The following OGFR variants were observed in gnomAD, a reference collection of about 807,000 sequenced individuals.
The protein encoded by OGFR is opioid growth factor receptor.
A neutral mutation model predicts 33.6 loss-of-function variants in OGFR; 18 were observed. The ratio of observed to expected loss-of-function variants is 0.54; its 90% confidence interval spans 0.37 to 0.80. The LOEUF is 0.80. Among genes scored for constraint, OGFR ranks in the 30% least tolerant of loss-of-function variants. The pLI is 0.00. For synonymous variants in OGFR, 370 were observed against 400.7 expected, an observed-to-expected ratio of 0.92 and a Z score of 0.91; for missense variants, 877 against 955.8, an observed-to-expected ratio of 0.92 and a Z score of 1.09.
In OGFR at chr20:62,807,468, C is replaced by G. The variant is rs368472864; in HGVS notation, c.172-69C>G. ...GTGGCAGCTGGCCCAGGCCCTGCAG[C>G]CCTCACCACGTTGGGACTCACTTGG... On this transcript the variant is annotated intron_variant, in intron 1 of 6. Transcript: ENST00000290291. 1.4e-3 allele frequency: 2,046 copies of G among 1,418,598 alleles called. 37 individuals carry two copies. The South Asian group carries it at 0.023, about 16-fold the overall frequency. 87.9% of individuals were successfully genotyped at this position (1,418,598 alleles called of 1,614,324 possible).
intron 6 of OGFR, 37 bp downstream of exon 6, chr20:62,811,647 C>A: frequency 6.6e-7 from 1 of 1,521,764 alleles, no homozygotes; most frequent in South Asian, 1.3e-5. Flanking sequence ...CCCACCCCGG[C>A]GCAGAACAGG....
At position 62,808,229 on chromosome 20, in the gene OGFR, C is replaced by G; in HGVS notation, c.241-18C>G. 3.1e-6 allele frequency: 5 copies of G among 1,604,324 alleles called. No individual in the cohort carries two copies. Among genetic ancestry groups the G allele is most frequent in the Non-Finnish European group, 4.3e-6 (5 of 1,171,656 alleles). On this transcript the variant is annotated intron_variant, in intron 2 of 6. Transcript: ENST00000290291. ...GTGTCTGATGGATCCCTGCTGTCCC[C>G]TTTCTCTGGCTCTTCAGGATCTGGT...
chr20:62,812,672 C>CA lies in OGFR; in HGVS notation c.1058dup (p.Asp354GlyfsTer12). 2.6e-6 allele frequency: 4 copies of CA among 1,567,540 alleles called. No homozygotes were observed. Among genetic ancestry groups the CA allele is most frequent in the African/African-American group, 1.4e-5 (1 of 73,832 alleles). ...GCCCCAGCCACGGAGCGTGGAGCCC[C>CA]AGGATGCGGGACCCCTGGAGAGGAG... On this transcript the variant is annotated frameshift_variant, in exon 7 of 7. Coordinates refer to ENST00000290291, the MANE Select transcript of OGFR (RefSeq NM_007346.4). LOFTEE classifies it low-confidence loss of function (END_TRUNC).
intron 4 of OGFR, 126 bp downstream of exon 4, chr20:62,809,789 T>A: frequency 1.3e-6 from 1 of 766,708 alleles, no homozygotes; most frequent in Non-Finnish European, 2.3e-6. Context: ...TCCTGGAAGC[T>A]GGTGTCCACA....
intron 6 of OGFR, 92 bp from the exon 7 acceptor site, chr20:62,812,138 G>C (rs1000334423): frequency 1.2e-5 from 14 of 1,161,524 alleles, no homozygotes; most frequent in Non-Finnish European, 1.7e-5. Flanking sequence ...GGGAGACCTC[G>C]TGGAGCCGGG....
At chr20:62,808,091 G>C in intron 2 of OGFR, 156 bp from the exon 3 acceptor site, 1 of 721,708 alleles carries the variant, frequency 1.4e-6, no homozygotes, top group Non-Finnish European at 2.6e-6. Context: ...GCTGTCCTCT[G>C]AATGGCCCCC....
At chr20:62,811,907 C>T (rs369122310) in intron 6 of OGFR, among the ~76,000 whole-genome samples, 3 of 152,184 alleles carry the variant, frequency 2.0e-5, no homozygotes, top group South Asian at 2.1e-4. Context: ...ACAGGGTGTT[C>T]GAGGCGCCTG....
rs143683823 is a variant in OGFR at position 62,813,109 on chromosome 20, C to T, written c.1494C>T (p.Asn498=). The change falls in exon 7 of 7, where the codon AAC becomes AAT. Residue 498 remains asparagine, a synonymous_variant. Transcript: ENST00000290291. The stretch of plus-strand genomic sequence containing the variant: ...ACCCCAAGGCTGGACACAGTGAGAA[C>T]GGGGTTGAGGAGGACACAGAAGGTC... ...SGHPKAGHSE[N]GVEEDTEGRT... is the part of the protein sequence containing the mutation. 2.7e-4 allele frequency: 434 copies of T among 1,579,214 alleles called. 1 individual carries two copies. In the African/African-American group the frequency reaches 5.1e-3, roughly 19 times the overall value.
intron 1 of OGFR, chr20:62,806,975 C>T (rs981378784): frequency 1.3e-5 from 2 of 159,146 alleles, no homozygotes; most frequent in Admixed American, 1.2e-4. Flanking sequence ...CTCACCGTGG[C>T]CAGTGAGGCG....
Position 62,813,650 on chromosome 20 carries a change from G to T in OGFR, c.*1G>T. 5.6e-6 allele frequency: 9 copies of T among 1,611,512 alleles called. No homozygotes were observed. The highest frequency in any genetic ancestry group is 7.6e-6 in the Non-Finnish European group (9 of 1,178,986). On this transcript the variant is annotated 3_prime_UTR_variant, in exon 7 of 7. Transcript: ENST00000290291. ...TTCTGCCAAGTCTGGGAAGCCTTAA[G>T]GAAAGGAGTGCCCGTCGGCGTCTTG...
intron 3 of OGFR, 100 bp downstream of exon 3, chr20:62,808,425 G>GC: frequency 1.2e-6 from 1 of 864,332 alleles, no homozygotes; most frequent in Non-Finnish European, 1.9e-6. Context: ...GATTACCAGG[G>GC]CCACGGCTTT....
At position 62,812,296 on chromosome 20, in the gene OGFR, C is replaced by T. The variant is rs374205442; in HGVS notation, c.681C>T (p.His227=). 6.5e-7 allele frequency: 1 copy of T among 1,547,758 alleles called. No homozygotes were observed. Among genetic ancestry groups the T allele is most frequent in the Non-Finnish European group, 8.7e-7 (1 of 1,146,496 alleles). The part of the protein sequence containing the change: ...LKSLGELGLE[H]FQAPLVRFFL... ...CGCTGGGTGAGCTGGGCCTCGAGCA[C>T]TTCCAGGCGCCGCTGGTCCGCTTCT... The change falls in exon 7 of 7, where the codon CAC becomes CAT. Residue 227 remains histidine, a synonymous_variant. Transcript: ENST00000290291.
chr20:62,810,614 G>A, intron 5 of OGFR, 49 bp downstream of exon 5: 1 of 1,566,682 alleles, frequency 6.4e-7, no homozygotes, highest in Non-Finnish European at 8.8e-7. Flanking sequence ...GGAGGCCTGG[G>A]CAAGCCACGC....
At position 62,807,522 on chromosome 20, in the gene OGFR, C is replaced by T. The variant is rs757817138; in HGVS notation, c.172-15C>T. 46 of 1,611,522 alleles carry T rather than the reference C, an allele frequency of 2.9e-5. No homozygotes were observed. The highest frequency in any genetic ancestry group is 5.3e-5 in the African/African-American group (4 of 74,914). On this transcript the variant is annotated splice_polypyrimidine_tract_variant and intron_variant, in intron 1 of 6. Coordinates refer to ENST00000290291, the MANE Select transcript of OGFR (RefSeq NM_007346.4). ...TCTCCCATGGGGGTCCTAATCCCAT[C>T]TCTTTTCTTCCCAGTCCAGAATGAC... is the stretch of plus-strand genomic sequence containing the variant.
rs1430457343 is a variant in OGFR at position 62,813,941 on chromosome 20, CT to C, written c.*293del. The C allele has an allele frequency of 1.9e-6, 1 of 537,058 alleles. No individual in the cohort carries two copies. Among genetic ancestry groups the C allele is most frequent in the Non-Finnish European group, 3.3e-6 (1 of 302,466 alleles). The allele number at this position is 537,058 out of a possible 1,614,324, so 33.3% of individuals were successfully genotyped here. ...CTGGAGTGGGGGGCGGCGGGCAGGG[CT>C]GCTTTTCTTAGTCTGATACCAAGCA... On this transcript the variant is annotated 3_prime_UTR_variant, in exon 7 of 7. Coordinates refer to ENST00000290291, the MANE Select transcript of OGFR (RefSeq NM_007346.4).
rs778608873 is a variant in OGFR at position 62,812,869 on chromosome 20, C to T, written c.1254C>T (p.Ala418=). Residue 418 remains alanine (A), a synonymous_variant, in exon 7 of 7, where the codon GCC becomes GCT. Coordinates refer to ENST00000290291, the MANE Select transcript of OGFR (RefSeq NM_007346.4). ...TCGCTCTGAATTTGGAGGGGTGTGC[C>T]CTCAGCCAGGGCAGCCTCAGGACGG... ...EKIALNLEGC[A]LSQGSLRTGT... is the part of the protein sequence containing the mutation. 16 of 1,612,502 alleles carry T rather than the reference C, an allele frequency of 9.9e-6. No homozygotes were observed. The highest frequency in any genetic ancestry group is 1.6e-4 in the Middle Eastern group (1 of 6,074).
chr20:62,804,881 T>C lies in OGFR; in HGVS notation c.22T>C (p.Ser8Pro). Residue 8 changes from serine (S) to proline (P), a missense_variant, in exon 1 of 7, where the codon TCC becomes CCC. This residue lies in a region of OGFR where 760 missense variants were observed against 736.0 expected (regional missense o/e 1.03). Transcript: ENST00000290291. MDDPDCD[S>P]TWEEDEEDAE... ...GAGCATGGACGACCCCGACTGCGAC[T>C]CCACCTGGGAGGAGGACGAGGAGGA... The C allele has an allele frequency of 6.8e-7, 1 of 1,473,080 alleles. No homozygotes were observed. The highest frequency in any genetic ancestry group is 2.4e-5 in the Admixed American group (1 of 42,424). The allele number at this position is 1,473,080 out of a possible 1,614,324, so 91.3% of individuals were successfully genotyped here.
In OGFR at chr20:62,812,616, A is replaced by C. The variant is rs1449766219; in HGVS notation, c.1001A>C (p.His334Pro). 6.4e-7 allele frequency: 1 copy of C among 1,562,240 alleles called. No homozygotes were observed. Among genetic ancestry groups the C allele is most frequent in the Admixed American group, 1.9e-5 (1 of 51,700 alleles). Residue 334 changes from histidine (H) to proline (P), a missense_variant, in exon 7 of 7, where the codon CAT (histidine) becomes CCT (proline). Physicochemically the swap from His to Pro is moderately conservative, Grantham distance 77. Coordinates refer to ENST00000290291, the MANE Select transcript of OGFR (RefSeq NM_007346.4). Reference sequence around the variant, plus strand: ...CAGGGTCGGACCTGTGGGCCAGAGCATAGCAAGGGTGGGGGCAGGGTGGAC... The same window carrying C: ...CAGGGTCGGACCTGTGGGCCAGAGCCTAGCAAGGGTGGGGGCAGGGTGGAC... ...STQGRTCGPE[H>P]SKGGGRVDEG...
intron 1 of OGFR, 76 bp from the exon 2 acceptor site, chr20:62,807,461 C>G: frequency 7.5e-7 from 1 of 1,339,332 alleles, no homozygotes; most frequent in Non-Finnish European, 1.1e-6. Context: ...TGGCCCAGGC[C>G]CTGCAGCCCT....
Sources: allele counts gnomAD v4.1 joint callset (sites outside exome capture counted in the v4.1 genomes callset), GRCh38; gene constraint gnomAD v4.1.1; regional missense constraint gnomAD v4.1.1; transcripts MANE v1.5; gene names NCBI Gene and HGNC (gene_info 2026-07-23, HGNC 2026-07-21).